PGR: variants seen among roughly 807,000 people sequenced by gnomAD.
PGR encodes nuclear receptor subfamily 3 group C member 3.
A neutral mutation model predicts 76.1 loss-of-function variants in PGR; 25 were observed. The ratio of observed to expected loss-of-function variants is 0.33; its 90% confidence interval spans 0.24 to 0.46. The LOEUF is 0.46. PGR is among the 20% of genes least tolerant of loss of function. The pLI, the probability that PGR is intolerant of heterozygous loss-of-function variation, is 1.00. For synonymous variants in PGR, 579 were observed against 535.0 expected (o/e 1.08, Z -1.14); for missense variants, 1,172 against 1,225.3 (o/e 0.96, Z 0.65).
Position 101,034,448 on chromosome 11 carries a change from G to A in PGR, c.*4668C>T, listed in dbSNP as rs184173430. ...TTGCTTTGGTTATAGGATATTCAGA[G>A]AAGGTATGTATTGAATAATTTCTGC... On this transcript the variant is annotated 3_prime_UTR_variant, in exon 8 of 8. Coordinates refer to ENST00000325455, the MANE Select transcript of PGR (RefSeq NM_000926.4). 1.1e-5 allele frequency: 2 copies of A among 186,628 alleles called. No individual in the cohort carries two copies. The highest frequency in any genetic ancestry group is 1.2e-4 in the Admixed American group (2 of 16,134). 11.6% of individuals were successfully genotyped at this position (186,628 alleles called of 1,614,324 possible).
At position 101,108,811 on chromosome 11, in the gene PGR, G is replaced by A. The variant is rs577240568; in HGVS notation, c.1790-16935C>T. Among the ~76,000 whole-genome samples, 60 of 152,280 alleles carry A rather than the reference G, an allele frequency of 3.9e-4. 1 individual carries two copies. Among genetic ancestry groups the A allele is most frequent in the Admixed American group, 3.5e-3 (54 of 15,294 alleles). On this transcript the variant is annotated intron_variant, in intron 2 of 7. Transcript: ENST00000325455. Reference sequence around the variant, plus strand: ...AGATACAAGCATATCGTATCTTATTGCGCTTTGCTTAATTGTACTTCACAA... The same window carrying A: ...AGATACAAGCATATCGTATCTTATTACGCTTTGCTTAATTGTACTTCACAA...
At chr11:101,096,771 C>T (rs931667639) in intron 2 of PGR, among the ~76,000 whole-genome samples, 1 of 152,214 alleles carries the variant, frequency 6.6e-6, no homozygotes, top group African/African-American at 2.4e-5. Flanking sequence ...CACTCACTCA[C>T]TCATAAACCG....
chr11:101,041,284 G>T lies in PGR; in HGVS notation c.2646+661C>A, dbSNP rs11571258. On this transcript the variant is annotated intron_variant, in intron 7 of 7. Coordinates refer to ENST00000325455, the MANE Select transcript of PGR (RefSeq NM_000926.4). ...CCTGGAGAGTGGATAGCTTTTTTAT[G>T]CCTTCACTGTCATTTTAATGTGATC... Among the ~76,000 whole-genome samples, 362 of 152,016 alleles carry T rather than the reference G, an allele frequency of 2.4e-3. 7 individuals are homozygous for T. Among genetic ancestry groups the T allele is most frequent in the East Asian group, 0.024 (123 of 5,174 alleles).
At chr11:101,104,955 G>C (rs1359061757) in intron 2 of PGR, among the ~76,000 whole-genome samples, 1 of 152,078 alleles carries the variant, frequency 6.6e-6, no homozygotes, top group Non-Finnish European at 1.5e-5. Flanking sequence ...TTATGTTTCA[G>C]GATACTCATG....
At chr11:101,119,260 A>G (rs1179827818) in intron 2 of PGR, among the ~76,000 whole-genome samples, 1 of 152,196 alleles carries the variant, frequency 6.6e-6, no homozygotes, top group Non-Finnish European at 1.5e-5. Context: ...ACCAGTCCAC[A>G]TCCTAGGGGT....
chr11:101,030,020 T>C lies in PGR; in HGVS notation c.*9096A>G, dbSNP rs1859300679. Reference sequence around the variant, plus strand: ...CTTCAGAACAATTGTCAACATACTCTCAAATGTCTTTCCCACTCAGAAATG... The same window carrying C: ...CTTCAGAACAATTGTCAACATACTCCCAAATGTCTTTCCCACTCAGAAATG... On this transcript the variant is annotated 3_prime_UTR_variant, in exon 8 of 8. Transcript: ENST00000325455. 2 of 221,898 alleles carry C rather than the reference T, an allele frequency of 9.0e-6. No homozygotes were observed. The highest frequency in any genetic ancestry group is 4.5e-5 in the African/African-American group (2 of 44,700). The allele number at this position is 221,898 out of a possible 1,614,324, so 13.7% of individuals were successfully genotyped here. A position where few individuals can be genotyped will look rare whatever the true frequency, so the allele number is the denominator to read the frequency against.
Position 101,033,114 on chromosome 11 carries a change from A to G in PGR, c.*6002T>C, listed in dbSNP as rs1859401644. 1 of 206,094 alleles carries G rather than the reference A, an allele frequency of 4.9e-6. No homozygotes were observed. The highest frequency in any genetic ancestry group is 6.0e-5 in the Admixed American group (1 of 16,790). The allele number at this position is 206,094 out of a possible 1,614,324, so 12.8% of individuals were successfully genotyped here. On this transcript the variant is annotated 3_prime_UTR_variant, in exon 8 of 8. Transcript: ENST00000325455. ...CTGATTTTTCTTATAAACATGCACA[A>G]CTCAGAAAAGTTAAAATACACAGAA...
chr11:101,114,683 C>T (rs921665899), intron 2 of PGR, among the ~76,000 whole-genome samples: 6 of 151,890 alleles, frequency 4.0e-5, no homozygotes, highest in African/African-American at 1.5e-4. Context: ...AGGTGACGTC[C>T]CCCACCCCCA....
chr11:101,123,043 C>T (rs1862728760), intron 2 of PGR, among the ~76,000 whole-genome samples: 1 of 152,124 alleles, frequency 6.6e-6, no homozygotes, highest in Non-Finnish European at 1.5e-5. Context: ...AGAAAGGAAG[C>T]ACAGTGGTCA....
intron 4 of PGR, 42 bp downstream of exon 4, chr11:101,062,405 G>T: frequency 1.4e-6 from 2 of 1,403,008 alleles, no homozygotes; most frequent in Non-Finnish European, 2.0e-6. Flanking sequence ...AACAAACATA[G>T]TATATTTTTT....
At chr11:101,094,744 T>C (rs1861783719) in intron 2 of PGR, among the ~76,000 whole-genome samples, 1 of 152,228 alleles carries the variant, frequency 6.6e-6, no homozygotes, top group South Asian at 2.1e-4. Flanking sequence ...TTGATAATCA[T>C]GCATCTATTC....
intron 3 of PGR, among the ~76,000 whole-genome samples, chr11:101,088,045 A>G (rs544714399): frequency 6.6e-6 from 1 of 152,098 alleles, no homozygotes; most frequent in South Asian, 2.1e-4. Context: ...AAATAAATAA[A>G]AAGTTTGCCA....
rs545094909 is a variant in PGR, at chr11:101,079,967, G to T, written c.1906+11793C>A. Among the ~76,000 whole-genome samples, 3 of 152,268 alleles carry T rather than the reference G, an allele frequency of 2.0e-5. No homozygotes were observed. In the East Asian group the frequency reaches 5.8e-4, roughly 30 times the overall value. ...GAGCTTAGGATGCCTCCCATGCAGAGAATTTGCAGCTGAGGAGGTTTCCAA... is the reference window on the plus strand; with the variant it reads ...GAGCTTAGGATGCCTCCCATGCAGATAATTTGCAGCTGAGGAGGTTTCCAA... On this transcript the variant is annotated intron_variant, in intron 3 of 7. Coordinates refer to ENST00000325455, the MANE Select transcript of PGR (RefSeq NM_000926.4).
rs146772798 is a variant in PGR at position 101,097,071 on chromosome 11, C to A, written c.1790-5195G>T. Among the ~76,000 whole-genome samples, 416 of 152,284 alleles carry A rather than the reference C, an allele frequency of 2.7e-3. 2 individuals are homozygous for A. Among genetic ancestry groups the A allele is most frequent in the African/African-American group, 9.0e-3 (373 of 41,558 alleles). On this transcript the variant is annotated intron_variant, in intron 2 of 7. Transcript: ENST00000325455. ...TCTCCCTTAATATATGCATCATCTG[C>A]CCCTGTTGAAACCTGGGGAGCTTAA...
chr11:101,112,578 T>C (rs557426379), intron 2 of PGR, among the ~76,000 whole-genome samples: 1 of 152,124 alleles, frequency 6.6e-6, no homozygotes, highest in East Asian at 1.9e-4. Flanking sequence ...TAGCTGAAAG[T>C]GAGGACAGGG....
chr11:101,119,550 C>G (rs1011326358), intron 2 of PGR, among the ~76,000 whole-genome samples: 7 of 151,956 alleles, frequency 4.6e-5, no homozygotes, highest in African/African-American at 1.7e-4. Context: ...GCAAATAGAG[C>G]CAAAAAACTT....
intron 5 of PGR, among the ~76,000 whole-genome samples, chr11:101,051,169 AATTG>A (rs1860075408): frequency 1.3e-5 from 2 of 152,118 alleles, no homozygotes; most frequent in South Asian, 4.1e-4. Flanking sequence ...TGAAATTTTA[AATTG>A]ATTAATGAAA....
At chr11:101,057,829 T>G (rs1223786276) in intron 4 of PGR, among the ~76,000 whole-genome samples, 1 of 152,170 alleles carries the variant, frequency 6.6e-6, no homozygotes, top group African/African-American at 2.4e-5. Flanking sequence ...TCATGCTGAC[T>G]TAGAAGTCAT....
chr11:101,039,207 T>G lies in PGR; in HGVS notation c.2711A>C (p.Glu904Ala). Reference protein sequence around the residue: ...TFIQSRALSVEFPEMMSEVIA... With the variant: ...TFIQSRALSVAFPEMMSEVIA... ...AACTTCAGACATCATTTCTGGAAAT[T>G]CAACACTCAGTGCCCGGGACTGGAT... Residue 904 changes from glutamate (E) to alanine (A), a missense_variant, in exon 8 of 8, where the codon GAA becomes GCA. Glu to Ala is a moderately radical substitution (Grantham distance 107). Coordinates refer to ENST00000325455, the MANE Select transcript of PGR (RefSeq NM_000926.4). 1 of 1,611,598 alleles carries G rather than the reference T, an allele frequency of 6.2e-7. No individual in the cohort carries two copies. Among genetic ancestry groups the G allele is most frequent in the Non-Finnish European group, 8.5e-7 (1 of 1,178,064 alleles).
Sources: gnomAD v4.1 joint callset for allele counts (sites outside exome capture counted in the v4.1 genomes callset) on GRCh38, gnomAD v4.1.1 for gene constraint, MANE v1.5 for transcripts, NCBI Gene and HGNC (gene_info 2026-07-23, HGNC 2026-07-21) for gene names.